The following FAM168A variants were observed in gnomAD, a reference collection of about 807,000 sequenced individuals.
FAM168A encodes family with sequence similarity 168 member A.
In FAM168A, 3 loss-of-function variants were observed where a neutral mutation model predicts 28.5. The ratio of observed to expected loss-of-function variants is 0.11; its 90% CI spans 0.05 to 0.27. The LOEUF (loss-of-function observed/expected upper bound fraction) is 0.27, where lower values mean the gene tolerates loss of function less well. Ranked by LOEUF, FAM168A falls within the 10% of genes least tolerant of loss-of-function variation. FAM168A has a pLI of 1.00. For synonymous variants in FAM168A, 122 were observed against 124.2 expected, an observed-to-expected ratio of 0.98 and a Z score of 0.12; for missense variants, 222 against 311.5, an observed-to-expected ratio of 0.71 and a Z score of 2.16.
intron 1 of FAM168A, among the ~76,000 whole-genome samples, chr11:73,509,248 G>C (rs998968661): frequency 6.6e-6 from 1 of 152,180 alleles, no homozygotes; most frequent in African/African-American, 2.4e-5. Context: ...CAGAACTTAG[G>C]ACAAGGCTGA....
chr11:73,564,612 G>A (rs1206765633), intron 1 of FAM168A, among the ~76,000 whole-genome samples: 5 of 151,606 alleles, frequency 3.3e-5, no homozygotes, highest in Non-Finnish European at 5.9e-5. Context: ...GCATGGTGTC[G>A]GGCGCCCGTA....
intron 1 of FAM168A, among the ~76,000 whole-genome samples, chr11:73,561,877 C>T (rs764887923): frequency 4.6e-5 from 7 of 151,980 alleles, no homozygotes; most frequent in Non-Finnish European, 8.8e-5. Flanking sequence ...TTATCCCATA[C>T]GATTCTTGAT....
intron 5 of FAM168A, 150 bp from the exon 6 acceptor site, chr11:73,409,811 C>T (rs1486482611): frequency 8.3e-6 from 6 of 723,020 alleles, no homozygotes; most frequent in African/African-American, 1.8e-5. Flanking sequence ...GTGCTGGGCT[C>T]AGCTTCTGGT....
At chr11:73,492,133 C>G (rs969563542) in intron 1 of FAM168A, among the ~76,000 whole-genome samples, 1 of 152,056 alleles carries the variant, frequency 6.6e-6, no homozygotes, top group African/African-American at 2.4e-5. Context: ...CAGACTTTAC[C>G]CTGACTCCTC....
At position 73,538,985 on chromosome 11, in the gene FAM168A, C is replaced by A. The variant is rs192558418; in HGVS notation, c.-19+58938G>T. 2.6e-5 allele frequency among the ~76,000 whole-genome samples: 4 copies of A among 152,206 alleles called. No individual in the cohort carries two copies. In the East Asian group the frequency reaches 5.8e-4, roughly 22 times the overall value. ...AAAAGTACTACTACAGTAGTTAGAT[C>A]CTCAATATAAGAAGATGAGACAAAA... On this transcript the variant is annotated intron_variant, in intron 1 of 7. Coordinates refer to ENST00000356467, the MANE Select transcript of FAM168A (RefSeq NM_015159.3).
intron 1 of FAM168A, among the ~76,000 whole-genome samples, chr11:73,513,205 ATTTTTTTT>A (rs1046600591): frequency 9.1e-6 from 1 of 109,378 alleles, no homozygotes; most frequent in African/African-American, 3.9e-5. Context: ...TTTTTTTTTA[ATTTTTTTT>A]TTTTTTTTTT....
chr11:73,571,397 C>T (rs1426117652), intron 1 of FAM168A, among the ~76,000 whole-genome samples: 27 of 151,978 alleles, frequency 1.8e-4, no homozygotes, highest in African/African-American at 3.6e-4. Flanking sequence ...AGGCGCGCGC[C>T]GCCATGCCTG....
intron 1 of FAM168A, among the ~76,000 whole-genome samples, chr11:73,490,297 C>G (rs544317828): frequency 2.0e-5 from 3 of 151,916 alleles, no homozygotes; most frequent in Admixed American, 6.6e-5. Context: ...TACTGCCCCC[C>G]CTGTTTTTGC....
chr11:73,418,270 T>C (rs1167591338), intron 4 of FAM168A, among the ~76,000 whole-genome samples: 2 of 152,152 alleles, frequency 1.3e-5, no homozygotes, highest in South Asian at 2.1e-4. Flanking sequence ...ATCACAGAGG[T>C]AGATCCCTCA....
intron 1 of FAM168A, among the ~76,000 whole-genome samples, chr11:73,563,915 C>T (rs1943988066): frequency 6.6e-6 from 1 of 152,190 alleles, no homozygotes; most frequent in Non-Finnish European, 1.5e-5. Context: ...TTAACTGAGG[C>T]CCAAGATTAG....
rs1009341886 is a variant in FAM168A, at chr11:73,401,731, T to C, written c.*5032A>G. 2 of 152,288 alleles carry C rather than the reference T, an allele frequency of 1.3e-5. No homozygotes were observed. The highest frequency in any genetic ancestry group is 4.8e-5 in the African/African-American group (2 of 41,456). The allele number at this position is 152,288 out of a possible 1,614,324, so 9.4% of individuals were successfully genotyped here. A position where few individuals can be genotyped will look rare whatever the true frequency, so the allele number is the denominator to read the frequency against. On this transcript the variant is annotated 3_prime_UTR_variant, in exon 8 of 8. Transcript: ENST00000356467. ...GCTGTTTTGTCCCTTTCTAGCTTTG[T>C]GGCAGCCAGTCCCAACTCCTGTGTG... is the stretch of plus-strand genomic sequence containing the variant.
intron 1 of FAM168A, among the ~76,000 whole-genome samples, chr11:73,579,727 T>C (rs1295709470): frequency 2.0e-5 from 3 of 152,148 alleles, no homozygotes; most frequent in African/African-American, 4.8e-5. Flanking sequence ...ACAAAGTAAC[T>C]ATTATTTTTC....
chr11:73,457,282 G>A (rs1191788295), intron 2 of FAM168A, among the ~76,000 whole-genome samples: 1 of 151,264 alleles, frequency 6.6e-6, no homozygotes, highest in African/African-American at 2.4e-5. Context: ...CCAGTTACTT[G>A]GGAGGCTGAG....
At chr11:73,571,670 G>A (rs1408126848) in intron 1 of FAM168A, among the ~76,000 whole-genome samples, 13 of 151,982 alleles carry the variant, frequency 8.6e-5, no homozygotes, top group African/African-American at 2.4e-4. Flanking sequence ...CCACCACTCC[G>A]TCTGGGAAGT....
chr11:73,504,974 G>C (rs2134629526), intron 1 of FAM168A, among the ~76,000 whole-genome samples: 1 of 152,218 alleles, frequency 6.6e-6, no homozygotes, highest in Middle Eastern at 3.4e-3. Context: ...TGGACACAGA[G>C]AGGGGAACAA....
rs541435773 is a variant in FAM168A at position 73,469,793 on chromosome 11, C to T, written c.-18-1301G>A. Among the ~76,000 whole-genome samples the T allele has an allele frequency of 4.0e-4, 61 of 152,320 alleles. 1 individual carries two copies. The highest frequency in any genetic ancestry group is 8.2e-4 in the Non-Finnish European group (56 of 68,028). The stretch of plus-strand genomic sequence containing the variant: ...TAAACTTAAGGGAAAAAAATATTCT[C>T]ACAGCCAGAGTTATCTAAAAATATA... On this transcript the variant is annotated intron_variant, in intron 1 of 7. Coordinates refer to ENST00000356467, the MANE Select transcript of FAM168A (RefSeq NM_015159.3).
intron 1 of FAM168A, chr11:73,510,903 C>G (rs1855210608): frequency 3.7e-6 from 1 of 273,354 alleles, no homozygotes; most frequent in Admixed American, 5.4e-5. Flanking sequence ...AATGGAACCT[C>G]AAAGCGGGAA....
intron 4 of FAM168A, among the ~76,000 whole-genome samples, chr11:73,416,271 C>G (rs1590757310): frequency 6.6e-6 from 1 of 152,216 alleles, no homozygotes; most frequent in South Asian, 2.1e-4. Context: ...AAAACCTTTT[C>G]AGCGCTTTCT....
chr11:73,507,813 C>T (rs950005988), intron 1 of FAM168A, among the ~76,000 whole-genome samples: 6 of 152,042 alleles, frequency 3.9e-5, no homozygotes, highest in Admixed American at 1.3e-4. Flanking sequence ...TCACAGGATG[C>T]GAAACCAGCA....
Sources: gnomAD v4.1 joint callset for allele counts (sites outside exome capture counted in the v4.1 genomes callset) on GRCh38, gnomAD v4.1.1 for gene constraint, MANE v1.5 for transcripts, NCBI Gene and HGNC (gene_info 2026-07-23, HGNC 2026-07-21) for gene names.